The following TSG101 variants were observed in gnomAD, a reference collection of about 807,000 sequenced individuals.
TSG101 encodes the protein tumor susceptibility 101.
Under a neutral mutation model 48.5 loss-of-function variants are expected in TSG101, and 19 were observed. The observed-to-expected ratio is 0.39, with a 90% confidence interval of 0.27 to 0.58. TSG101 has a LOEUF of 0.58. Among genes scored for constraint, TSG101 ranks in the 20% least tolerant of loss-of-function variants. The pLI is 0.55. For synonymous variants in TSG101, 174 were observed against 169.4 expected (o/e 1.03, Z -0.21); for missense variants, 365 against 484.4 (o/e 0.75, Z 2.31).
chr11:18,482,966 T>G (rs1849564269), intron 8 of TSG101, among the ~76,000 whole-genome samples: 1 of 152,130 alleles, frequency 6.6e-6, no homozygotes, highest in African/African-American at 2.4e-5. Context: ...GTGATAAGGT[T>G]TGGCTGTGTC....
intron 2 of TSG101, among the ~76,000 whole-genome samples, chr11:18,519,033 C>T (rs1039898055): frequency 1.3e-5 from 2 of 152,106 alleles, no homozygotes; most frequent in Non-Finnish European, 2.9e-5. Context: ...CAGGTTCTTG[C>T]TCTGTTGCCC....
chr11:18,493,131 T>C lies in TSG101; in HGVS notation c.641-9059A>G, dbSNP rs142649282. Among the ~76,000 whole-genome samples, 66 of 152,346 alleles carry C rather than the reference T, an allele frequency of 4.3e-4. No homozygotes were observed. The East Asian group carries it at 0.012, about 28-fold the overall frequency. ...AGATTTCAAAAGTGCCCTTCTACAATTCCAGATTAGCAGTTGAAGAGCTAA... is the reference window on the plus strand; with the variant it reads ...AGATTTCAAAAGTGCCCTTCTACAACTCCAGATTAGCAGTTGAAGAGCTAA... On this transcript the variant is annotated intron_variant, in intron 7 of 9. Transcript: ENST00000251968.
chr11:18,509,806 A>C, intron 4 of TSG101, 141 bp from the exon 5 acceptor site: 1 of 906,568 alleles, frequency 1.1e-6, no homozygotes, highest in African/African-American at 1.7e-5. Flanking sequence ...TCATTTAATT[A>C]ATTTATTTTA....
chr11:18,512,537 G>A (rs1041698547), intron 4 of TSG101, among the ~76,000 whole-genome samples: 12 of 151,964 alleles, frequency 7.9e-5, no homozygotes, highest in Non-Finnish European at 1.5e-4. Flanking sequence ...GGGATGTCCC[G>A]TTTCTATTGT....
chr11:18,510,186 C>G (rs1291765492), intron 4 of TSG101, among the ~76,000 whole-genome samples: 1 of 151,964 alleles, frequency 6.6e-6, no homozygotes, highest in Non-Finnish European at 1.5e-5. Flanking sequence ...TTTGGGAGGC[C>G]AAGGTGGGTG....
At chr11:18,499,773 G>T (rs536027440) in intron 7 of TSG101, among the ~76,000 whole-genome samples, 96 of 151,946 alleles carry the variant, frequency 6.3e-4, no homozygotes, top group Admixed American at 2.4e-3. Flanking sequence ...GTGATATTTT[G>T]TTACCTGCAC....
In TSG101 at chr11:18,516,982, C is replaced by T. The variant is rs556109070; in HGVS notation, c.128-818G>A. Among the ~76,000 whole-genome samples the T allele has an allele frequency of 1.8e-4, 28 of 152,298 alleles. No individual in the cohort carries two copies. In the South Asian group the frequency reaches 3.3e-3, roughly 18 times the overall value. On this transcript the variant is annotated intron_variant, in intron 2 of 9. Coordinates refer to ENST00000251968, the MANE Select transcript of TSG101 (RefSeq NM_006292.4). The stretch of plus-strand genomic sequence containing the variant: ...AAAAACACTATCAAACAATACCATA[C>T]TAAATGTTAACCTACTGTCTTTCTA...
intron 8 of TSG101, among the ~76,000 whole-genome samples, chr11:18,483,297 C>T (rs1450621628): frequency 3.3e-5 from 5 of 152,070 alleles, no homozygotes; most frequent in East Asian, 1.9e-4. Context: ...GAGTTCGGGA[C>T]GAGCCTGGCC....
At chr11:18,513,030 A>T (rs537206137) in intron 4 of TSG101, among the ~76,000 whole-genome samples, 22 of 151,984 alleles carry the variant, frequency 1.4e-4, no homozygotes, top group South Asian at 8.3e-4. Flanking sequence ...ACCCAGCCTC[A>T]AGGACAGATT....
At chr11:18,510,337 C>T (rs549575904) in intron 4 of TSG101, among the ~76,000 whole-genome samples, 1 of 152,222 alleles carries the variant, frequency 6.6e-6, no homozygotes, top group South Asian at 2.1e-4. Context: ...AAGAGAATTG[C>T]TTAAACCCCA....
chr11:18,507,694 T>C (rs977772010), intron 5 of TSG101: 7 of 152,102 alleles, frequency 4.6e-5, no homozygotes, highest in Non-Finnish European at 1.0e-4. Context: ...TTAACATGAC[T>C]TACAGTGACT....
intron 7 of TSG101, among the ~76,000 whole-genome samples, chr11:18,499,567 C>T (rs1438867874): frequency 4.0e-5 from 6 of 148,970 alleles, no homozygotes; most frequent in Non-Finnish European, 5.9e-5. Flanking sequence ...TGCGCCACCA[C>T]GCCCGGCTAA....
intron 8 of TSG101, among the ~76,000 whole-genome samples, chr11:18,482,358 G>A (rs1276979539): frequency 6.6e-6 from 1 of 152,162 alleles, no homozygotes; most frequent in African/African-American, 2.4e-5. Flanking sequence ...TTGTATTGGT[G>A]TCACTTTCCT....
At chr11:18,509,292 T>A (rs1195312959) in intron 5 of TSG101, among the ~76,000 whole-genome samples, 1 of 152,232 alleles carries the variant, frequency 6.6e-6, no homozygotes, top group Non-Finnish European at 1.5e-5. Context: ...AGCTCTATTC[T>A]ACACTTTCTC....
At position 18,480,411 on chromosome 11, in the gene TSG101, CAG is replaced by C. The variant is rs1377863184; in HGVS notation, c.*133_*134del. 2.5e-5 allele frequency: 17 copies of C among 668,834 alleles called. No homozygotes were observed. Among genetic ancestry groups the C allele is most frequent in the Admixed American group, 2.0e-4 (6 of 30,332 alleles). 41.4% of individuals were successfully genotyped at this position (668,834 alleles called of 1,614,324 possible). On this transcript the variant is annotated 3_prime_UTR_variant, in exon 10 of 10. Transcript: ENST00000251968. Reference sequence around the variant, plus strand: ...AAAGCCAGTCTTTACCAAAAGAAAACAGAAAATATATTATTGATTCAAAATAT... The same window carrying C: ...AAAGCCAGTCTTTACCAAAAGAAAACAAAATATATTATTGATTCAAAATAT...
At chr11:18,490,342 C>A in intron 7 of TSG101, 1 of 603,136 alleles carries the variant, frequency 1.7e-6, no homozygotes, top group South Asian at 1.4e-5. Context: ...TTATAAGACT[C>A]TTCATTCAGT....
At chr11:18,492,843 G>A (rs995529273) in intron 7 of TSG101, among the ~76,000 whole-genome samples, 4 of 150,380 alleles carry the variant, frequency 2.7e-5, no homozygotes, top group African/African-American at 9.7e-5. Context: ...TTTCAAAGAA[G>A]TAAAAGAAAA....
intron 7 of TSG101, among the ~76,000 whole-genome samples, chr11:18,487,789 A>G (rs1849641943): frequency 6.6e-6 from 1 of 152,230 alleles, no homozygotes; most frequent in African/African-American, 2.4e-5. Context: ...TTCAGTGAGC[A>G]TACATCCTCC....
intron 7 of TSG101, among the ~76,000 whole-genome samples, chr11:18,495,923 C>CAAA (rs36092798): frequency 3.0e-4 from 32 of 105,860 alleles, no homozygotes; most frequent in Admixed American, 1.7e-3. Flanking sequence ...GACTCCGTCT[C>CAAA]AAAAAAAAAA....
Sources: gnomAD v4.1 joint callset for allele counts (sites outside exome capture counted in the v4.1 genomes callset) on GRCh38, gnomAD v4.1.1 for gene constraint, MANE v1.5 for transcripts, NCBI Gene and HGNC (gene_info 2026-07-23, HGNC 2026-07-21) for gene names.